Variants in DTNA observed in about 807,000 individuals in gnomAD.
DTNA encodes the protein dystrophin-related protein 3.
DTNA carries 43 observed loss-of-function variants against 100.7 expected under a neutral mutation model. The observed-to-expected ratio is 0.43, with a 90% CI of 0.33 to 0.55. The LOEUF (loss-of-function observed/expected upper bound fraction) is 0.55. Among genes scored for constraint, DTNA ranks in the 20% least tolerant of loss-of-function variants. DTNA has a pLI of 0.04. For synonymous variants in DTNA, 349 were observed against 347.9 expected, an observed-to-expected ratio of 1.00 and a Z score of -0.04; for missense variants, 798 against 953.9, an observed-to-expected ratio of 0.84 and a Z score of 2.15.
chr18:34,806,389 C>T, intron 5 of DTNA, 85 bp downstream of exon 5: 1 of 1,099,846 alleles, frequency 9.1e-7, no homozygotes, highest in Non-Finnish European at 1.4e-6. Flanking sequence ...ATGTCCCCTC[C>T]CCATTTGTAT....
rs187368156 is a variant in DTNA, at chr18:34,701,260, C to T, written c.-1-54716C>T. On this transcript the variant is annotated intron_variant, in intron 1 of 19. Transcript: ENST00000283365. ...TATCCTTCTCCTGTTCCTCAACATTCCCCCAAAAAAGGTTCTTGTTAAGTC... is the reference window on the plus strand; with the variant it reads ...TATCCTTCTCCTGTTCCTCAACATTTCCCCAAAAAAGGTTCTTGTTAAGTC... 5.5e-3 allele frequency among the ~76,000 whole-genome samples: 840 copies of T among 152,226 alleles called. 7 individuals carry two copies. Among genetic ancestry groups the T allele is most frequent in the South Asian group, 0.029 (140 of 4,828 alleles).
chr18:34,879,019 T>C (rs2096846361), intron 19 of DTNA, among the ~76,000 whole-genome samples: 1 of 152,242 alleles, frequency 6.6e-6, no homozygotes, highest in South Asian at 2.1e-4. Context: ...TCATGATTAA[T>C]GGCAGGTAAC....
intron 5 of DTNA, among the ~76,000 whole-genome samples, chr18:34,811,550 T>C (rs2095486592): frequency 6.6e-6 from 1 of 152,248 alleles, no homozygotes; most frequent in Non-Finnish European, 1.5e-5. Context: ...GATAAATGAA[T>C]ATACGCACAC....
chr18:34,494,339 G>A (rs2144313062), intron 1 of DTNA, among the ~76,000 whole-genome samples: 1 of 151,562 alleles, frequency 6.6e-6, no homozygotes, highest in East Asian at 2.0e-4. Flanking sequence ...ATGCCTGGGT[G>A]GGAGTGGGCT....
intron 1 of DTNA, among the ~76,000 whole-genome samples, chr18:34,571,606 G>A (rs2047597622): frequency 6.6e-6 from 1 of 152,068 alleles, no homozygotes; most frequent in Non-Finnish European, 1.5e-5. Flanking sequence ...AGAAAATCTT[G>A]AATAGTCATG....
At chr18:34,794,480 T>G (rs1013801668) in intron 4 of DTNA, among the ~76,000 whole-genome samples, 1 of 152,178 alleles carries the variant, frequency 6.6e-6, no homozygotes, top group Non-Finnish European at 1.5e-5. Context: ...AGGACAATTG[T>G]ATTTTATGTG....
chr18:34,593,378 A>T (rs1170011158), intron 1 of DTNA: 1 of 152,238 alleles, frequency 6.6e-6, no homozygotes, highest in Non-Finnish European at 1.5e-5. Context: ...TTTCATACTC[A>T]TAGCTCTCCC....
chr18:34,805,258 A>G (rs144090130), intron 4 of DTNA, among the ~76,000 whole-genome samples: 1 of 152,330 alleles, frequency 6.6e-6, no homozygotes, highest in African/African-American at 2.4e-5. Context: ...GATTTGTTAT[A>G]CTTCCTGAAT....
chr18:34,829,556 T>A (rs1406326045), intron 11 of DTNA, 67 bp downstream of exon 11: 12 of 1,390,042 alleles, frequency 8.6e-6, no homozygotes, highest in Non-Finnish European at 7.5e-6. Context: ...TAAGTCATTC[T>A]ACTCTGGCAC....
chr18:34,773,793 T>C (rs1458419965), intron 3 of DTNA, among the ~76,000 whole-genome samples: 1 of 152,226 alleles, frequency 6.6e-6, no homozygotes, highest in African/African-American at 2.4e-5. Context: ...AGTAAACCTC[T>C]GGATGAGAAA....
intron 11 of DTNA, among the ~76,000 whole-genome samples, chr18:34,829,739 A>G (rs780642593): frequency 1.1e-4 from 16 of 152,204 alleles, no homozygotes; most frequent in Non-Finnish European, 2.1e-4. Context: ...TATATGTGAA[A>G]TGTATCAAGC....
intron 1 of DTNA, among the ~76,000 whole-genome samples, chr18:34,653,231 C>T (rs77366352): frequency 1.1e-4 from 17 of 150,302 alleles, no homozygotes; most frequent in East Asian, 5.8e-4. Context: ...GGGAAAAAAA[C>T]GAATAGGCTT....
intron 15 of DTNA, among the ~76,000 whole-genome samples, chr18:34,856,156 T>C (rs1021341457): frequency 2.0e-5 from 3 of 152,214 alleles, no homozygotes; most frequent in African/African-American, 7.2e-5. Context: ...TGAGTTCTTT[T>C]GTGGGTTCTA....
At chr18:34,785,431 G>A (rs1245672435) in intron 3 of DTNA, among the ~76,000 whole-genome samples, 1 of 152,114 alleles carries the variant, frequency 6.6e-6, no homozygotes, top group Non-Finnish European at 1.5e-5. Context: ...ACCTGAATAT[G>A]AGAGTAAATT....
intron 1 of DTNA, among the ~76,000 whole-genome samples, chr18:34,581,452 G>A (rs1368614835): frequency 6.6e-6 from 1 of 151,976 alleles, no homozygotes; most frequent in East Asian, 1.9e-4. Flanking sequence ...ATTTCTTTGT[G>A]TCTTCAGCTC....
intron 1 of DTNA, among the ~76,000 whole-genome samples, chr18:34,621,250 G>T (rs2147864377): frequency 6.7e-6 from 1 of 149,168 alleles, no homozygotes; most frequent in East Asian, 2.0e-4. Flanking sequence ...TATATCCTGT[G>T]AATAATGATT....
intron 1 of DTNA, among the ~76,000 whole-genome samples, chr18:34,697,698 G>A (rs1226197735): frequency 2.6e-5 from 4 of 152,160 alleles, no homozygotes; most frequent in Admixed American, 1.3e-4. Flanking sequence ...CGAGGCTGTG[G>A]TAGCAAGTAT....
At chr18:34,813,841 CAAAAAAAAA>C (rs34385959) in intron 6 of DTNA, among the ~76,000 whole-genome samples, 1 of 71,588 alleles carries the variant, frequency 1.4e-5, no homozygotes, top group Admixed American at 1.7e-4. Context: ...GACTCCATCT[CAAAAAAAAA>C]AAAAAAAAAA....
At chr18:34,860,237 T>TTG (rs1555880107) in intron 16 of DTNA, among the ~76,000 whole-genome samples, 1 of 138,768 alleles carries the variant, frequency 7.2e-6, no homozygotes, top group Non-Finnish European at 1.6e-5. Flanking sequence ...TTTTTTTTTT[T>TTG]TTTTTTTTTT....
Sources: allele counts gnomAD v4.1 joint callset (sites outside exome capture counted in the v4.1 genomes callset), GRCh38; gene constraint gnomAD v4.1.1; transcripts MANE v1.5; gene names NCBI Gene and HGNC (gene_info 2026-07-23, HGNC 2026-07-21).